The following CAST variants were observed in gnomAD, a reference collection of about 807,000 sequenced individuals.
CAST encodes the protein MIR583 host.
A neutral mutation model predicts 119.6 loss-of-function variants in CAST; 76 were observed. The observed-to-expected ratio is 0.64, with a 90% CI of 0.53 to 0.77. CAST has a LOEUF of 0.77. Ranked by LOEUF, CAST falls within the 30% of genes least tolerant of loss-of-function variation. The pLI, the probability that CAST is intolerant of heterozygous loss-of-function variation, is 0.00. For synonymous variants in CAST, 319 were observed against 331.6 expected, an observed-to-expected ratio of 0.96 and a Z score of 0.41; for missense variants, 953 against 946.5, an observed-to-expected ratio of 1.01 and a Z score of -0.09.
At chr5:96,526,369 T>C (rs1244823446), upstream of CAST, among the ~76,000 whole-genome samples, 1 of 152,126 alleles carries the variant, frequency 6.6e-6, no homozygotes, top group Non-Finnish European at 1.5e-5. Context: ...GTATGGTGAA[T>C]AAAGGATGCC....
the CAST span, among the ~76,000 whole-genome samples, chr5:95,991,706 A>T: frequency 1.3e-5 from 2 of 151,664 alleles, no homozygotes; most frequent in Non-Finnish European, 2.9e-5. Context: ...GGATCTCACC[A>T]TGTTGGCCAG....
chr5:96,695,290 A>G (rs143731583), intron 2 of CAST, among the ~76,000 whole-genome samples: 254 of 152,356 alleles, frequency 1.7e-3, no homozygotes, highest in African/African-American at 6.0e-3. Flanking sequence ...TTATCCTATT[A>G]CTATCTATAA....
the CAST span, among the ~76,000 whole-genome samples, chr5:96,081,432 G>C: frequency 6.6e-6 from 1 of 152,206 alleles, no homozygotes; most frequent in Non-Finnish European, 1.5e-5. Flanking sequence ...CTTGTGGTCA[G>C]GAGGAGCACG....
intron 1 of CAST, among the ~76,000 whole-genome samples, chr5:96,567,174 T>C (rs1746481864): frequency 6.6e-6 from 1 of 152,224 alleles, no homozygotes; most frequent in African/African-American, 2.4e-5. Context: ...AGACAAATTT[T>C]CTTAGTCTAA....
upstream of CAST, among the ~76,000 whole-genome samples, chr5:96,528,264 C>A (rs1020615967): frequency 2.0e-5 from 3 of 152,132 alleles, no homozygotes; most frequent in African/African-American, 7.2e-5. Context: ...CATTTTTAAG[C>A]TTAGCCAGAG....
chr5:96,441,642 A>G, the CAST span, among the ~76,000 whole-genome samples: 1 of 152,204 alleles, frequency 6.6e-6, no homozygotes, highest in Non-Finnish European at 1.5e-5. Flanking sequence ...AAAAGGGACT[A>G]TGTAAACTCA....
At chr5:96,704,042 C>G (rs1417425799) in intron 3 of CAST, among the ~76,000 whole-genome samples, 1 of 152,140 alleles carries the variant, frequency 6.6e-6, no homozygotes, top group Non-Finnish European at 1.5e-5. Context: ...TGAAATTTAG[C>G]AAAATCTTGC....
At chr5:96,672,880 A>G (rs962864190) in intron 1 of CAST, among the ~76,000 whole-genome samples, 1 of 152,154 alleles carries the variant, frequency 6.6e-6, no homozygotes, top group Non-Finnish European at 1.5e-5. Context: ...AACAATGCTT[A>G]TAGTACATAA....
intron 1 of CAST, chr5:96,663,149 A>C (rs1209280739): frequency 2.4e-5 from 17 of 702,506 alleles, no homozygotes; most frequent in Non-Finnish European, 3.4e-5. Flanking sequence ...GGCATTCGCC[A>C]GCTGGTGGTA....
chr5:96,653,968 CCT>C (rs891363906), intron 1 of CAST, among the ~76,000 whole-genome samples: 15 of 151,112 alleles, frequency 9.9e-5, no homozygotes, highest in African/African-American at 2.9e-4. Flanking sequence ...TTCTTCTTCC[CCT>C]CTCTCTTTTC....
chr5:96,275,185 G>C, the CAST span, among the ~76,000 whole-genome samples: 1 of 152,144 alleles, frequency 6.6e-6, no homozygotes, highest in Non-Finnish European at 1.5e-5. Flanking sequence ...TGCTTGTTTC[G>C]TTGACAGTAA....
chr5:96,234,006 A>G, the CAST span, among the ~76,000 whole-genome samples: 1 of 152,194 alleles, frequency 6.6e-6, no homozygotes, highest in East Asian at 1.9e-4. Flanking sequence ...GCCAAGAATA[A>G]ATTAGATCCT....
chr5:96,595,717 GGAA>G (rs889966713), intron 1 of CAST, among the ~76,000 whole-genome samples: 7 of 152,030 alleles, frequency 4.6e-5, no homozygotes, highest in Non-Finnish European at 1.0e-4. Flanking sequence ...AGGGGAACGA[GGAA>G]GAAGAACATA....
the CAST span, among the ~76,000 whole-genome samples, chr5:96,363,247 A>G: frequency 6.7e-6 from 1 of 148,818 alleles, no homozygotes; most frequent in Non-Finnish European, 1.5e-5. Flanking sequence ...GCCTTGTAGT[A>G]TAGTTTGAAG....
the CAST span, among the ~76,000 whole-genome samples, chr5:96,031,468 G>A: frequency 1.3e-4 from 20 of 152,106 alleles, no homozygotes; most frequent in East Asian, 3.9e-4. Flanking sequence ...ACTTTTGCCC[G>A]CTTGGTAGAT....
At chr5:96,175,379 A>T in the CAST span, among the ~76,000 whole-genome samples, 1 of 152,328 alleles carries the variant, frequency 6.6e-6, no homozygotes, top group East Asian at 1.9e-4. Flanking sequence ...ATTAAAAAAA[A>T]TTATCGAGTA....
intron 9 of CAST, among the ~76,000 whole-genome samples, chr5:96,731,591 C>G (rs1409216218): frequency 6.8e-6 from 1 of 148,110 alleles, no homozygotes; most frequent in Non-Finnish European, 1.5e-5. Context: ...CATGCTGGTG[C>G]GCTGCACCCA....
chr5:96,271,211 G>A, the CAST span, among the ~76,000 whole-genome samples: 1 of 151,984 alleles, frequency 6.6e-6, no homozygotes, highest in African/African-American at 2.4e-5. Flanking sequence ...ACTATCCAAA[G>A]CAACATACAG....
At chr5:96,555,956 C>T (rs1180681646) in intron 1 of CAST, among the ~76,000 whole-genome samples, 1 of 152,168 alleles carries the variant, frequency 6.6e-6, no homozygotes, top group East Asian at 1.9e-4. Flanking sequence ...TGGGAGGCAC[C>T]CCCCAGTAGG....
Sources: gnomAD v4.1 joint callset for allele counts (sites outside exome capture counted in the v4.1 genomes callset) on GRCh38, gnomAD v4.1.1 for gene constraint, MANE v1.5 for transcripts, NCBI Gene and HGNC (gene_info 2026-07-23, HGNC 2026-07-21) for gene names.